Variants in IHO1 observed in about 807,000 individuals in gnomAD.
IHO1 encodes interactor of HORMAD1 protein 1.
A neutral mutation model predicts 31.0 loss-of-function variants in IHO1; 13 were observed. That is an observed-to-expected ratio of 0.42 (90% CI 0.27 to 0.67). The LOEUF is 0.67. Among genes scored for constraint, IHO1 ranks in the 30% least tolerant of loss-of-function variants. IHO1 has a pLI of 0.24. For synonymous variants in IHO1, 221 were observed against 248.4 expected (o/e 0.89, Z 1.04); for missense variants, 599 against 687.5 (o/e 0.87, Z 1.44).
chr3:49,221,141 G>A (rs1304055195), intron 2 of IHO1, among the ~76,000 whole-genome samples: 1 of 152,070 alleles, frequency 6.6e-6, no homozygotes, highest in Non-Finnish European at 1.5e-5. Context: ...GCTGACTGGT[G>A]TGTTTTTACA....
chr3:49,226,826 C>T (rs1171716202), intron 2 of IHO1, among the ~76,000 whole-genome samples: 1 of 152,144 alleles, frequency 6.6e-6, no homozygotes, highest in Admixed American at 6.5e-5. Context: ...CTGAAATCTT[C>T]CCCAGATCTA....
Position 49,220,819 on chromosome 3 carries a change from G to A in IHO1, c.56+8983G>A, listed in dbSNP as rs369590286. The stretch of plus-strand genomic sequence containing the variant: ...GGAGGCAGAGCTTGCAGTGAGCTGA[G>A]ATAGCGCCACTGTACTCCAGCCTGG... On this transcript the variant is annotated intron_variant, in intron 2 of 7. Coordinates refer to ENST00000452691, the MANE Select transcript of IHO1 (RefSeq NM_001135197.2). 1.9e-4 allele frequency among the ~76,000 whole-genome samples: 29 copies of A among 152,318 alleles called. No homozygotes were observed. In the South Asian group the frequency reaches 6.0e-3, roughly 32 times the overall value.
In IHO1 at chr3:49,211,737, T is replaced by C. The variant is rs753585333; in HGVS notation, c.-15-29T>C. 2.8e-6 allele frequency: 3 copies of C among 1,090,398 alleles called. No individual in the cohort carries two copies. In the South Asian group the frequency reaches 3.9e-5, roughly 14 times the overall value. 67.5% of individuals were successfully genotyped at this position (1,090,398 alleles called of 1,614,324 possible). Reference sequence around the variant, plus strand: ...TTGGAAAAAATTATACTGTTAACTTTCTTAATATTCACCTATTCTTTCTAA... The same window carrying C: ...TTGGAAAAAATTATACTGTTAACTTCCTTAATATTCACCTATTCTTTCTAA... On this transcript the variant is annotated intron_variant, in intron 1 of 7. Transcript: ENST00000452691.
chr3:49,241,852 C>G (rs1246176339), intron 4 of IHO1, among the ~76,000 whole-genome samples: 2 of 152,038 alleles, frequency 1.3e-5, no homozygotes, highest in East Asian at 3.8e-4. Flanking sequence ...AACTCCTGAC[C>G]TCAGTTGATC....
intron 6 of IHO1, 78 bp from the exon 7 acceptor site, chr3:49,255,312 T>C: frequency 5.2e-6 from 5 of 964,912 alleles, no homozygotes; most frequent in Non-Finnish European, 7.8e-6. Flanking sequence ...TTTTCACTGC[T>C]GTGGTTCTGT....
At chr3:49,220,967 C>T (rs1030063147) in intron 2 of IHO1, among the ~76,000 whole-genome samples, 9 of 152,260 alleles carry the variant, frequency 5.9e-5, no homozygotes, top group African/African-American at 1.7e-4. Flanking sequence ...GTTGCCGCTG[C>T]TGGCTCCAGT....
At chr3:49,252,873 C>T in intron 6 of IHO1, among the ~76,000 whole-genome samples, 1 of 151,788 alleles carries the variant, frequency 6.6e-6, no homozygotes, top group East Asian at 1.9e-4. Flanking sequence ...TGGACCCTGT[C>T]TCTACTAAAA....
intron 1 of IHO1, chr3:49,200,443 C>G (rs1462117606): frequency 3.0e-6 from 1 of 335,690 alleles, no homozygotes; most frequent in African/African-American, 3.2e-5. Context: ...CCAGCCTGGG[C>G]GACAGAGTGA....
chr3:49,235,480 G>A (rs375450914), intron 2 of IHO1, among the ~76,000 whole-genome samples: 5 of 148,420 alleles, frequency 3.4e-5, no homozygotes, highest in South Asian at 2.2e-4. Context: ...CACCCTCCTC[G>A]GCCTCCCAAA....
chr3:49,239,744 C>T (rs566182294), intron 3 of IHO1, among the ~76,000 whole-genome samples: 1 of 151,452 alleles, frequency 6.6e-6, no homozygotes, highest in South Asian at 2.1e-4. Flanking sequence ...CTCACCACAA[C>T]CTCTGCCTTC....
chr3:49,256,848 G>GC lies in IHO1; in HGVS notation c.1354dup (p.His452ProfsTer19). On this transcript the variant is annotated frameshift_variant, in exon 8 of 8. Coordinates refer to ENST00000452691, the MANE Select transcript of IHO1 (RefSeq NM_001135197.2). LOFTEE classifies it low-confidence loss of function (END_TRUNC). The surrounding 1 kb of genome is among the most constrained non-coding windows in gnomAD (Gnocchi z 4.6). ...GCAGCAGCCCAGGAAGGCCCACAGG[G>GC]CCCACAGAGGCAGGCTCATAGCCAG... The GC allele has an allele frequency of 6.2e-7, 1 of 1,614,224 alleles. No individual in the cohort carries two copies. Among genetic ancestry groups the GC allele is most frequent in the Non-Finnish European group, 8.5e-7 (1 of 1,180,050 alleles).
chr3:49,192,900 A>G, the IHO1 span, among the ~76,000 whole-genome samples: 1 of 152,052 alleles, frequency 6.6e-6, no homozygotes, highest in African/African-American at 2.4e-5. Flanking sequence ...CCATCTCAAT[A>G]AATGAATGAA....
At chr3:49,192,976 T>C in the IHO1 span, among the ~76,000 whole-genome samples, 1 of 152,168 alleles carries the variant, frequency 6.6e-6, no homozygotes, top group Non-Finnish European at 1.5e-5. Flanking sequence ...AACCCAAGTG[T>C]TGACCAACGG....
At chr3:49,243,496 C>T (rs1160937609) in intron 4 of IHO1, among the ~76,000 whole-genome samples, 4 of 151,772 alleles carry the variant, frequency 2.6e-5, no homozygotes, top group Admixed American at 6.6e-5. Flanking sequence ...CGGTGGCTCA[C>T]GGCTGTAATC....
chr3:49,243,682 C>T (rs981086776), intron 4 of IHO1, among the ~76,000 whole-genome samples: 1 of 144,892 alleles, frequency 6.9e-6, no homozygotes, highest in African/African-American at 2.6e-5. Flanking sequence ...GGTGTGAATC[C>T]AGGAGGCAGA....
At chr3:49,248,194 G>A (rs576001399) in intron 6 of IHO1, among the ~76,000 whole-genome samples, 1 of 151,728 alleles carries the variant, frequency 6.6e-6, no homozygotes, top group East Asian at 1.9e-4. Context: ...AGGCCAAGGC[G>A]GGCAGATCAC....
chr3:49,244,301 T>C (rs1233346956), intron 4 of IHO1, 103 bp from the exon 5 acceptor site: 7 of 748,170 alleles, frequency 9.4e-6, no homozygotes, highest in Non-Finnish European at 1.6e-5. Context: ...AATGTTTTGA[T>C]GCTATGCTAG....
At chr3:49,235,004 A>G (rs2046538253) in intron 2 of IHO1, among the ~76,000 whole-genome samples, 1 of 150,598 alleles carries the variant, frequency 6.6e-6, no homozygotes, top group African/African-American at 2.4e-5. Context: ...CTGCCACCAT[A>G]CCCAGCTAAT....
chr3:49,200,667 A>C, intron 1 of IHO1: 2 of 659,814 alleles, frequency 3.0e-6, no homozygotes, highest in Non-Finnish European at 3.8e-6. Flanking sequence ...CATTCCTTGC[A>C]TGCACTCAAC....
Sources: gnomAD v4.1 joint callset for allele counts (sites outside exome capture counted in the v4.1 genomes callset) on GRCh38, gnomAD v4.1.1 for gene constraint, Gnocchi (gnomAD v3.1) non-coding constraint, MANE v1.5 for transcripts, NCBI Gene and HGNC (gene_info 2026-07-23, HGNC 2026-07-21) for gene names.